EBF1: variants seen among roughly 807,000 people sequenced by gnomAD.
The protein encoded by EBF1 is transcription factor COE1.
A neutral mutation model predicts 68.4 loss-of-function variants in EBF1; 10 were observed. The ratio of observed to expected loss-of-function variants is 0.15; its 90% confidence interval spans 0.09 to 0.25. The LOEUF is 0.25. Among genes scored for constraint, EBF1 ranks in the 10% least tolerant of loss-of-function variants. The pLI, the probability that EBF1 is intolerant of heterozygous loss-of-function variation, is 1.00. For synonymous variants in EBF1, 298 were observed against 299.8 expected (o/e 0.99, Z 0.06); for missense variants, 509 against 794.4 (o/e 0.64, Z 4.32).
chr5:159,080,424 C>A (rs952050458), intron 5 of EBF1, among the ~76,000 whole-genome samples: 5 of 152,204 alleles, frequency 3.3e-5, no homozygotes, highest in Non-Finnish European at 7.3e-5. Context: ...TCTTCCCTGG[C>A]TCTCCGTTTT....
At chr5:158,967,001 G>T (rs2127549317) in intron 6 of EBF1, among the ~76,000 whole-genome samples, 1 of 151,826 alleles carries the variant, frequency 6.6e-6, no homozygotes, top group African/African-American at 2.4e-5. Context: ...TATGCTCAGG[G>T]TAACCCCAGG....
chr5:158,832,385 C>T (rs116299257), intron 7 of EBF1, among the ~76,000 whole-genome samples: 2,372 of 152,276 alleles, frequency 0.016, 57 homozygotes, highest in African/African-American at 0.054. Flanking sequence ...TTGAAAATCA[C>T]CATTTGTATT....
chr5:158,965,837 T>A (rs374323237), intron 6 of EBF1, among the ~76,000 whole-genome samples: 2 of 152,202 alleles, frequency 1.3e-5, no homozygotes, highest in African/African-American at 4.8e-5. Flanking sequence ...TTTAAGAAGA[T>A]CCATGTTCCA....
intron 8 of EBF1, among the ~76,000 whole-genome samples, chr5:158,800,695 AG>A (rs1780424988): frequency 6.6e-6 from 1 of 152,192 alleles, no homozygotes; most frequent in Non-Finnish European, 1.5e-5. Flanking sequence ...AAAGCAGCCA[AG>A]GACTTGTTTC....
At position 158,860,861 on chromosome 5, in the gene EBF1, C is replaced by T. The variant is rs191096286; in HGVS notation, c.555-20751G>A. ...GCCATCATGACATCCACCTCCAGCA[C>T]CCTGCACAAGGGTGAGCGTGGGCCT... On this transcript the variant is annotated intron_variant, in intron 6 of 15. Coordinates refer to ENST00000313708, the MANE Select transcript of EBF1 (RefSeq NM_024007.5). 3.5e-3 allele frequency among the ~76,000 whole-genome samples: 537 copies of T among 152,272 alleles called. 1 individual carries two copies. Among genetic ancestry groups the T allele is most frequent in the Admixed American group, 8.3e-3 (127 of 15,294 alleles).
intron 6 of EBF1, among the ~76,000 whole-genome samples, chr5:158,902,612 TATTATTATC>T (rs1421182013): frequency 2.7e-5 from 4 of 148,590 alleles, no homozygotes; most frequent in African/African-American, 9.8e-5. Flanking sequence ...TTATTATTAT[TATTATTATC>T]ATTATTATTA....
At chr5:158,842,416 C>A (rs1470486071) in intron 6 of EBF1, among the ~76,000 whole-genome samples, 1 of 152,222 alleles carries the variant, frequency 6.6e-6, no homozygotes, top group Non-Finnish European at 1.5e-5. Context: ...TTCAAAGCTA[C>A]TTCAAGCCCC....
At chr5:158,731,291 T>C in intron 10 of EBF1, 134 bp from the exon 11 acceptor site, 1 of 853,648 alleles carries the variant, frequency 1.2e-6, no homozygotes. Context: ...CACAAGATGG[T>C]TGTGTGAATG....
rs143756302 is a variant in EBF1, at chr5:158,697,222, A to AT, written c.*1888dup. The AT allele has an allele frequency of 0.012, 2,296 of 191,684 alleles. 39 individuals are homozygous for AT. Among genetic ancestry groups the AT allele is most frequent in the African/African-American group, 0.036 (1,522 of 42,816 alleles). The allele number at this position is 191,684 out of a possible 1,614,324, so 11.9% of individuals were successfully genotyped here. On this transcript the variant is annotated 3_prime_UTR_variant, in exon 16 of 16. Coordinates refer to ENST00000313708, the MANE Select transcript of EBF1 (RefSeq NM_024007.5). ...TGTAAGCTTCCAAAGCAAAGGATACATTTTTTTTTAAATCTACTGAACTAA... is the reference window on the plus strand; with the variant it reads ...TGTAAGCTTCCAAAGCAAAGGATACATTTTTTTTTTAAATCTACTGAACTAA...
intron 6 of EBF1, among the ~76,000 whole-genome samples, chr5:158,921,194 A>G (rs1055631371): frequency 6.6e-6 from 1 of 152,138 alleles, no homozygotes; most frequent in African/African-American, 2.4e-5. Flanking sequence ...AGAACCCAGC[A>G]AGGGTGATGA....
chr5:159,051,492 G>C lies in EBF1; in HGVS notation c.554+21904C>G, dbSNP rs1049666259. 7.7e-5 allele frequency among the ~76,000 whole-genome samples: 11 copies of C among 143,382 alleles called. No homozygotes were observed. The East Asian group carries it at 1.9e-3, about 25-fold the overall frequency. The allele number at this position is 143,382 out of a possible 152,430, so 94.1% of individuals were successfully genotyped here. On this transcript the variant is annotated intron_variant, in intron 6 of 15. Coordinates refer to ENST00000313708, the MANE Select transcript of EBF1 (RefSeq NM_024007.5). ...GGCTCCCGCTCCACATGTGCGACTC[G>C]TGTTTCGGCTTTCGCTGGCGACAAA...
chr5:158,765,003 T>G (rs761704888), intron 10 of EBF1, among the ~76,000 whole-genome samples: 9 of 152,184 alleles, frequency 5.9e-5, no homozygotes, highest in Non-Finnish European at 1.3e-4. Context: ...TTGTCAACTA[T>G]AAAAATGCAT....
At chr5:158,943,093 G>C (rs1813833345) in intron 6 of EBF1, among the ~76,000 whole-genome samples, 1 of 151,552 alleles carries the variant, frequency 6.6e-6, no homozygotes, top group African/African-American at 2.4e-5. Context: ...AGAAAAGACT[G>C]TTTCAGGTGA....
At chr5:159,091,060 G>A (rs376854320) in intron 4 of EBF1, among the ~76,000 whole-genome samples, 3 of 152,056 alleles carry the variant, frequency 2.0e-5, no homozygotes, top group Non-Finnish European at 4.4e-5. Context: ...CTCCTTCATC[G>A]CTCTCAGCAA....
intron 5 of EBF1, 165 bp from the exon 6 acceptor site, chr5:159,073,629 T>A (rs1333180637): frequency 1.4e-6 from 1 of 691,688 alleles, no homozygotes; most frequent in African/African-American, 1.8e-5. Flanking sequence ...TTGGGTCACC[T>A]ATGGGTTAAT....
chr5:158,783,188 C>T (rs1200951518), intron 9 of EBF1, among the ~76,000 whole-genome samples: 1 of 152,072 alleles, frequency 6.6e-6, no homozygotes, highest in Non-Finnish European at 1.5e-5. Context: ...TGTAAATGTC[C>T]CAAACTTGCA....
chr5:158,747,062 A>G (rs1767750150), intron 10 of EBF1, among the ~76,000 whole-genome samples: 2 of 152,212 alleles, frequency 1.3e-5, no homozygotes, highest in South Asian at 4.1e-4. Context: ...GGGCAAAGGC[A>G]CATCTACTCA....
At chr5:159,022,491 C>T (rs1296294988) in intron 6 of EBF1, among the ~76,000 whole-genome samples, 2 of 152,286 alleles carry the variant, frequency 1.3e-5, no homozygotes, top group East Asian at 3.9e-4. Context: ...ATATTCCCAC[C>T]ATCACACACT....
At chr5:158,826,219 A>G (rs1440811937) in intron 7 of EBF1, among the ~76,000 whole-genome samples, 1 of 152,160 alleles carries the variant, frequency 6.6e-6, no homozygotes. Context: ...AGAGAAACAG[A>G]TGATGAGAAT....
Sources: allele counts gnomAD v4.1 joint callset (sites outside exome capture counted in the v4.1 genomes callset), GRCh38; gene constraint gnomAD v4.1.1; transcripts MANE v1.5; gene names NCBI Gene and HGNC (gene_info 2026-07-23, HGNC 2026-07-21).